ALKAL1: variants seen among roughly 807,000 people sequenced by gnomAD.
ALKAL1 encodes AUG-beta.
ALKAL1 carries 23 observed loss-of-function variants against 13.5 expected under a neutral mutation model. That is an observed-to-expected ratio of 1.70 (90% CI 1.23 to 2.41). The LOEUF (loss-of-function observed/expected upper bound fraction) is 2.41, where lower values mean the gene tolerates loss of function less well. Among genes scored for constraint, ALKAL1 ranks in the 30% most tolerant of loss-of-function variants. ALKAL1 has a pLI of 0.00. For missense variants in ALKAL1, 181 were observed against 178.4 expected, an observed-to-expected ratio of 1.01 and a Z score of -0.08; for synonymous variants, 85 against 77.7, an observed-to-expected ratio of 1.09 and a Z score of -0.49.
chr8:52,546,682 G>T (rs919145301), intron 1 of ALKAL1, among the ~76,000 whole-genome samples: 1 of 152,220 alleles, frequency 6.6e-6, no homozygotes, highest in African/African-American at 2.4e-5. Context: ...TCGGGTATCA[G>T]TTTAAGACTG....
chr8:52,547,118 T>A (rs1306245364), intron 1 of ALKAL1, among the ~76,000 whole-genome samples: 1 of 152,204 alleles, frequency 6.6e-6, no homozygotes, highest in East Asian at 1.9e-4. Context: ...AATAAAAAAC[T>A]GATTGAAAAT....
Position 52,538,480 on chromosome 8 carries a change from G to A in ALKAL1, c.353C>T (p.Thr118Ile), listed in dbSNP as rs752104284. The change falls in exon 4 of 5, where the codon ACA (threonine) becomes ATA (isoleucine). Residue 118 changes from threonine to isoleucine, a missense_variant. Thr to Ile is a moderately conservative substitution (Grantham distance 89). Transcript: ENST00000358543. ...GCACAGTGGACTCACTGCTAATCTTGTTAACAATCTAGCACATCTTTTGTA... is the reference window on the plus strand; with the variant it reads ...GCACAGTGGACTCACTGCTAATCTTATTAACAATCTAGCACATCTTTTGTA... ...AYYKRCARLL[T>I]RLAVSPLCSQ... 7 of 1,610,228 alleles carry A rather than the reference G, an allele frequency of 4.3e-6. No individual in the cohort carries two copies. Among genetic ancestry groups the A allele is most frequent in the Non-Finnish European group, 5.9e-6 (7 of 1,177,100 alleles).
In ALKAL1 at chr8:52,534,570, T is replaced by C. The variant is rs905318881; in HGVS notation, c.*43A>G. ...TTTGCATGATTTGAGGCACTTTTTC[T>C]TCAAATTAGATGTACATTCTTAGGA... On this transcript the variant is annotated 3_prime_UTR_variant, in exon 5 of 5. Coordinates refer to ENST00000358543, the MANE Select transcript of ALKAL1 (RefSeq NM_207413.4). 4 of 598,628 alleles carry C rather than the reference T, an allele frequency of 6.7e-6. No individual in the cohort carries two copies. The African/African-American group carries it at 7.6e-5, about 11-fold the overall frequency. 37.1% of individuals were successfully genotyped at this position (598,628 alleles called of 1,614,324 possible). A position where few individuals can be genotyped will look rare whatever the true frequency, so the allele number is the denominator to read the frequency against.
At position 52,565,397 on chromosome 8, in the gene ALKAL1, T is replaced by C. The variant is rs1847591959; in HGVS notation, c.-141A>G. 3.6e-6 allele frequency: 2 copies of C among 561,594 alleles called. No individual in the cohort carries two copies. The highest frequency in any genetic ancestry group is 8.5e-5 in the South Asian group (1 of 11,784). The allele number at this position is 561,594 out of a possible 1,614,324, so 34.8% of individuals were successfully genotyped here. A position where few individuals can be genotyped will look rare whatever the true frequency, so the allele number is the denominator to read the frequency against. ...GCAGTCTTCACCGCGCGCCTGCCCTTGTCTACGTCCCGGGGGTCGGCTGGA... is the reference window on the plus strand; with the variant it reads ...GCAGTCTTCACCGCGCGCCTGCCCTCGTCTACGTCCCGGGGGTCGGCTGGA... On this transcript the variant is annotated 5_prime_UTR_variant, in exon 1 of 5. Transcript: ENST00000358543.
chr8:52,539,204 T>C (rs1157968619), intron 3 of ALKAL1, among the ~76,000 whole-genome samples: 1 of 152,190 alleles, frequency 6.6e-6, no homozygotes, highest in Admixed American at 6.5e-5. Flanking sequence ...ACAAAATGCT[T>C]AGAATTCATG....
chr8:52,556,503 C>T (rs998825568), intron 1 of ALKAL1, among the ~76,000 whole-genome samples: 10 of 151,586 alleles, frequency 6.6e-5, no homozygotes, highest in African/African-American at 2.2e-4. Flanking sequence ...AAAAATTAGC[C>T]GGGCGTGGTG....
intron 3 of ALKAL1, among the ~76,000 whole-genome samples, chr8:52,539,136 C>T (rs1268004215): frequency 6.6e-6 from 1 of 152,038 alleles, no homozygotes. Context: ...ACAAATACAA[C>T]TTAACATGCT....
intron 1 of ALKAL1, among the ~76,000 whole-genome samples, chr8:52,560,407 C>T (rs757742011): frequency 4.6e-5 from 7 of 152,072 alleles, no homozygotes; most frequent in Admixed American, 2.6e-4. Flanking sequence ...GGCAAATAGT[C>T]GAAGGAAATA....
chr8:52,542,542 C>T, intron 1 of ALKAL1, 97 bp from the exon 2 acceptor site: 1 of 750,094 alleles, frequency 1.3e-6, no homozygotes, highest in Non-Finnish European at 2.2e-6. Flanking sequence ...GCACTAAACA[C>T]ATGGATTTGT....
At chr8:52,542,766 C>T (rs2150344394) in intron 1 of ALKAL1, among the ~76,000 whole-genome samples, 1 of 152,368 alleles carries the variant, frequency 6.6e-6, no homozygotes, top group African/African-American at 2.4e-5. Flanking sequence ...ACTGAAGTGG[C>T]ATCACTCTTG....
chr8:52,556,646 C>CAAAAAAA (rs59483863), intron 1 of ALKAL1, among the ~76,000 whole-genome samples: 1 of 51,370 alleles, frequency 1.9e-5, no homozygotes, highest in East Asian at 4.4e-4. Context: ...AACTCTGTCT[C>CAAAAAAA]AAAAAAAAAA....
At chr8:52,554,917 A>G (rs1847466637) in intron 1 of ALKAL1, among the ~76,000 whole-genome samples, 1 of 152,208 alleles carries the variant, frequency 6.6e-6, no homozygotes, top group Non-Finnish European at 1.5e-5. Flanking sequence ...CACGCCTGTA[A>G]TCCCAGCACT....
chr8:52,548,035 G>A lies in ALKAL1; in HGVS notation c.191-5590C>T, dbSNP rs190963463. Among the ~76,000 whole-genome samples the A allele has an allele frequency of 3.8e-3, 580 of 152,314 alleles. 2 individuals are homozygous for A. The highest frequency in any genetic ancestry group is 6.1e-3 in the Non-Finnish European group (413 of 68,030). On this transcript the variant is annotated intron_variant, in intron 1 of 4. Coordinates refer to ENST00000358543, the MANE Select transcript of ALKAL1 (RefSeq NM_207413.4). The stretch of plus-strand genomic sequence containing the variant: ...TAGCCTCATGGCTTGTGGATGTGGT[G>A]TTGGACGGCATAAGTCTGAAATGTA...
chr8:52,543,277 A>T (rs1036095671), intron 1 of ALKAL1, among the ~76,000 whole-genome samples: 1 of 152,232 alleles, frequency 6.6e-6, no homozygotes, highest in Non-Finnish European at 1.5e-5. Context: ...ACAACATTTT[A>T]AGAATATAAT....
chr8:52,535,131 G>C (rs2150342720), intron 4 of ALKAL1, among the ~76,000 whole-genome samples: 1 of 152,114 alleles, frequency 6.6e-6, no homozygotes, highest in East Asian at 1.9e-4. Context: ...GTTGTTTGAG[G>C]ACTTTAGGTA....
At chr8:52,538,810 A>C (rs989376031) in intron 3 of ALKAL1, among the ~76,000 whole-genome samples, 2 of 152,192 alleles carry the variant, frequency 1.3e-5, no homozygotes, top group Non-Finnish European at 2.9e-5. Context: ...ACCATTAGTC[A>C]TTCTGCCTGT....
chr8:52,535,495 G>A (rs144172356), intron 4 of ALKAL1, among the ~76,000 whole-genome samples: 4 of 132,712 alleles, frequency 3.0e-5, no homozygotes, highest in Admixed American at 2.7e-4. Flanking sequence ...AGGCTACACC[G>A]AGCTATGATC....
At position 52,559,473 on chromosome 8, in the gene ALKAL1, C is replaced by G. The variant is rs544754003; in HGVS notation, c.190+5594G>C. ...CTTTCCAAGAGATTCCAATATGCCA[C>G]CTTTCTCCTCCTCACTCTCCTTAGT... On this transcript the variant is annotated intron_variant, in intron 1 of 4. Transcript: ENST00000358543. Among the ~76,000 whole-genome samples, 6 of 152,198 alleles carry G rather than the reference C, an allele frequency of 3.9e-5. No homozygotes were observed. The East Asian group carries it at 1.2e-3, about 29-fold the overall frequency.
chr8:52,544,454 G>A (rs1847346290), intron 1 of ALKAL1, among the ~76,000 whole-genome samples: 5 of 152,144 alleles, frequency 3.3e-5, no homozygotes. Context: ...AAGAAGAGGT[G>A]GGTGAGACAA....
Sources: allele counts gnomAD v4.1 joint callset (sites outside exome capture counted in the v4.1 genomes callset), GRCh38; gene constraint gnomAD v4.1.1; transcripts MANE v1.5; gene names NCBI Gene and HGNC (gene_info 2026-07-23, HGNC 2026-07-21).